Variants in ZBTB38 observed in about 807,000 individuals in gnomAD.
ZBTB38 encodes the protein zinc finger and BTB domain-containing protein 38.
Under a neutral mutation model 76.8 loss-of-function variants are expected in ZBTB38, and 20 were observed. The ratio of observed to expected loss-of-function variants is 0.26; its 90% confidence interval spans 0.18 to 0.38. ZBTB38 has a LOEUF of 0.38. ZBTB38 is among the 10% of genes least tolerant of loss of function. The probability of loss-of-function intolerance (pLI) is 1.00; values close to 1 mark genes in which losing one functional copy is unlikely to be tolerated. For synonymous variants in ZBTB38, 504 were observed against 544.2 expected (o/e 0.93, Z 1.03); for missense variants, 1,082 against 1,482.3 (o/e 0.73, Z 4.43).
chr3:141,404,275 G>A (rs182241534), intron 5 of ZBTB38, among the ~76,000 whole-genome samples: 75 of 152,298 alleles, frequency 4.9e-4, no homozygotes, highest in African/African-American at 1.7e-3. Flanking sequence ...AGCAATTGTC[G>A]TGGGGTCTTT....
chr3:141,334,907 T>C (rs1049219008), intron 1 of ZBTB38, among the ~76,000 whole-genome samples: 3 of 152,230 alleles, frequency 2.0e-5, no homozygotes, highest in African/African-American at 7.2e-5. Context: ...CAGATCATCT[T>C]TCTAAAAATG....
chr3:141,346,625 G>A (rs1296861357), intron 1 of ZBTB38, among the ~76,000 whole-genome samples: 1 of 152,142 alleles, frequency 6.6e-6, no homozygotes, highest in African/African-American at 2.4e-5. Context: ...GAGTGCTACA[G>A]TGAGACGCTC....
intron 1 of ZBTB38, among the ~76,000 whole-genome samples, chr3:141,331,337 G>A (rs1942844938): frequency 6.6e-6 from 1 of 152,200 alleles, no homozygotes; most frequent in African/African-American, 2.4e-5. Flanking sequence ...GCAACTACTG[G>A]ACAAATTCAG....
rs909173506 is a variant in ZBTB38, at chr3:141,448,811, A to G, written c.*2835A>G. 1 of 152,066 alleles carries G rather than the reference A, an allele frequency of 6.6e-6. No homozygotes were observed. Among genetic ancestry groups the G allele is most frequent in the Non-Finnish European group, 1.5e-5 (1 of 67,998 alleles). 9.4% of individuals were successfully genotyped at this position (152,066 alleles called of 1,614,324 possible). A position where few individuals can be genotyped will look rare whatever the true frequency, so the allele number is the denominator to read the frequency against. On this transcript the variant is annotated 3_prime_UTR_variant, in exon 6 of 6. Transcript: ENST00000321464. ...TTATTCAGTTTATTTCTGTTTCCTT[A>G]CTTGTTTACATTCCGTGGTACCTAC...
chr3:141,392,391 A>G (rs988504662), intron 4 of ZBTB38, among the ~76,000 whole-genome samples: 1 of 152,248 alleles, frequency 6.6e-6, no homozygotes, highest in African/African-American at 2.4e-5. Context: ...AATATGACAT[A>G]GTCCCCCTAT....
In ZBTB38 at chr3:141,445,522, G is replaced by A. The variant is rs1203412084; in HGVS notation, c.3134G>A (p.Arg1045Gln). ...EKPYQCKTCG[R>Q]CFSVQGNLQK... ...CCATACCAGTGCAAGACCTGCGGAC[G>A]GTGCTTTTCGGTGCAAGGAAACTTA... The change falls in exon 6 of 6, where the codon CGG becomes CAG. Residue 1045 changes from arginine (R) to glutamine (Q), a missense_variant. Physicochemically the swap from Arg to Gln is conservative, Grantham distance 43 (BLOSUM62 1). This residue lies in a region of ZBTB38 where 69 missense variants were observed against 148.2 expected (regional missense o/e 0.47). Transcript: ENST00000321464. The surrounding 1 kb of genome is among the most constrained non-coding windows in gnomAD (Gnocchi z 6.5). The A allele has an allele frequency of 6.2e-7, 1 of 1,614,180 alleles. No individual in the cohort carries two copies. Among genetic ancestry groups the A allele is most frequent in the Non-Finnish European group, 8.5e-7 (1 of 1,180,024 alleles).
intron 1 of ZBTB38, among the ~76,000 whole-genome samples, chr3:141,326,075 C>T (rs1942664798): frequency 6.6e-6 from 1 of 152,032 alleles, no homozygotes; most frequent in African/African-American, 2.4e-5. Flanking sequence ...TATCTAAAAT[C>T]ATCTCGAAGA....
chr3:141,333,024 A>G (rs899149502), intron 1 of ZBTB38, among the ~76,000 whole-genome samples: 3 of 152,200 alleles, frequency 2.0e-5, no homozygotes, highest in Non-Finnish European at 2.9e-5. Flanking sequence ...AAGACCATCT[A>G]AATTCTAGAA....
intron 1 of ZBTB38, among the ~76,000 whole-genome samples, chr3:141,356,846 T>C (rs1357667555): frequency 6.6e-6 from 1 of 152,238 alleles, no homozygotes; most frequent in African/African-American, 2.4e-5. Flanking sequence ...ATAAGTGTCT[T>C]AGAATGGAGA....
intron 5 of ZBTB38, among the ~76,000 whole-genome samples, chr3:141,409,170 C>G (rs1347430274): frequency 6.6e-6 from 1 of 152,180 alleles, no homozygotes; most frequent in East Asian, 1.9e-4. Flanking sequence ...CTCAGCCTCC[C>G]AAGTAGCTGG....
At position 141,445,381 on chromosome 3, in the gene ZBTB38, A is replaced by G. The variant is rs2080976468; in HGVS notation, c.2993A>G (p.Gln998Arg). The change falls in exon 6 of 6, where the codon CAA becomes CGA. Residue 998 changes from glutamine to arginine, a missense_variant. Physicochemically the swap from Gln to Arg is conservative, Grantham distance 43 (BLOSUM62 1). Coordinates refer to ENST00000321464, the MANE Select transcript of ZBTB38 (RefSeq NM_001376113.1). This position sits in a 1 kb window ranked among gnomAD's most constrained non-coding sequence, Gnocchi z 6.5. ...GACAAAGCAGTGGGGGCTGGAAACC[A>G]AGGAAGGCCCCACCGACATCTTACT... is the stretch of plus-strand genomic sequence containing the variant. ...DGDKAVGAGN[Q>R]GRPHRHLTSR... The G allele has an allele frequency of 1.2e-6, 2 of 1,614,004 alleles. No homozygotes were observed. Among genetic ancestry groups the G allele is most frequent in the African/African-American group, 1.3e-5 (1 of 74,916 alleles).
chr3:141,432,342 C>T, intron 5 of ZBTB38: 1 of 920,932 alleles, frequency 1.1e-6, no homozygotes, highest in Non-Finnish European at 1.3e-6. Context: ...GAGAAAGTTG[C>T]TCTGTCGATT....
chr3:141,402,799 G>T (rs1439982149), intron 4 of ZBTB38: 1 of 152,298 alleles, frequency 6.6e-6, no homozygotes, highest in Non-Finnish European at 1.5e-5. Context: ...TGCGCTCCCG[G>T]GGCTGGGGAC....
chr3:141,334,704 C>T (rs948226691), intron 1 of ZBTB38, among the ~76,000 whole-genome samples: 7 of 152,090 alleles, frequency 4.6e-5, no homozygotes, highest in Admixed American at 2.0e-4. Flanking sequence ...CCCCAGCCCC[C>T]GGCACCACAT....
chr3:141,377,823 G>A (rs1261914297), intron 2 of ZBTB38, among the ~76,000 whole-genome samples: 1 of 152,156 alleles, frequency 6.6e-6, no homozygotes, highest in African/African-American at 2.4e-5. Context: ...AGGGCATTAT[G>A]CTGAAAGCCA....
At chr3:141,398,656 G>A (rs76159592) in intron 4 of ZBTB38, among the ~76,000 whole-genome samples, 7 of 149,914 alleles carry the variant, frequency 4.7e-5, no homozygotes, top group African/African-American at 1.7e-4. Context: ...ATTTTTTTTT[G>A]CACTGTTCTT....
chr3:141,390,732 C>T (rs1020582972), intron 4 of ZBTB38, among the ~76,000 whole-genome samples: 1 of 152,194 alleles, frequency 6.6e-6, no homozygotes, highest in Non-Finnish European at 1.5e-5. Context: ...ACAGTCAACA[C>T]ATTTATTGAG....
upstream of ZBTB38, chr3:141,366,337 G>A (rs940705665): frequency 1.3e-5 from 2 of 152,174 alleles, no homozygotes; most frequent in South Asian, 4.1e-4. Flanking sequence ...CTGAGTCTTT[G>A]GGGAAACAGA....
chr3:141,341,500 A>G (rs1006963296), intron 1 of ZBTB38, among the ~76,000 whole-genome samples: 14 of 152,264 alleles, frequency 9.2e-5, no homozygotes, highest in Non-Finnish European at 2.9e-5. Flanking sequence ...CATATATACA[A>G]TGGAATATTA....
Sources: allele counts gnomAD v4.1 joint callset (sites outside exome capture counted in the v4.1 genomes callset), GRCh38; gene constraint gnomAD v4.1.1; regional missense constraint gnomAD v4.1.1; non-coding constraint Gnocchi (gnomAD v3.1); transcripts MANE v1.5; gene names NCBI Gene and HGNC (gene_info 2026-07-23, HGNC 2026-07-21).